The following LAMA2 variants were observed in gnomAD, a reference collection of about 807,000 sequenced individuals.
The protein encoded by LAMA2 is laminin subunit alpha 2.
LAMA2 carries 269 observed loss-of-function variants against 364.8 expected under a neutral mutation model. The observed-to-expected ratio is 0.74, with a 90% CI of 0.67 to 0.82. The LOEUF is 0.82. Among genes scored for constraint, LAMA2 ranks in the 40% least tolerant of loss-of-function variants. LAMA2 has a pLI of 0.00. For synonymous variants in LAMA2, 1,379 were observed against 1,370.6 expected, an observed-to-expected ratio of 1.01 and a Z score of -0.14; for missense variants, 3,807 against 3,873.2, an observed-to-expected ratio of 0.98 and a Z score of 0.45.
intron 29 of LAMA2, among the ~76,000 whole-genome samples, chr6:129,342,097 A>G (rs1395556779): frequency 6.6e-6 from 1 of 152,242 alleles, no homozygotes; most frequent in Non-Finnish European, 1.5e-5. Flanking sequence ...AAAAGAGAAT[A>G]GCAACTCTTA....
intron 1 of LAMA2, among the ~76,000 whole-genome samples, chr6:128,981,621 G>C (rs138081645): frequency 6.6e-6 from 1 of 150,954 alleles, no homozygotes; most frequent in East Asian, 2.0e-4. Flanking sequence ...CTTGGTGGTT[G>C]AGCCTGTCGT....
chr6:129,053,477 A>G (rs993405931), intron 2 of LAMA2, among the ~76,000 whole-genome samples: 5 of 152,116 alleles, frequency 3.3e-5, no homozygotes, highest in Non-Finnish European at 7.4e-5. Flanking sequence ...AGAGGAAAGG[A>G]CATATGTCAG....
At chr6:129,505,665 C>T (rs372154519) in intron 61 of LAMA2, among the ~76,000 whole-genome samples, 11 of 152,128 alleles carry the variant, frequency 7.2e-5, no homozygotes, top group South Asian at 2.1e-4. Flanking sequence ...CCTACCACCA[C>T]GCCTGGCTAA....
At chr6:129,241,008 C>G (rs1785362771) in intron 12 of LAMA2, among the ~76,000 whole-genome samples, 1 of 152,140 alleles carries the variant, frequency 6.6e-6, no homozygotes, top group Admixed American at 6.5e-5. Context: ...TATAGGTAAG[C>G]TCAAATCACA....
chr6:129,175,996 C>CTTTTT (rs1413381655), intron 9 of LAMA2, among the ~76,000 whole-genome samples: 1 of 151,312 alleles, frequency 6.6e-6, no homozygotes, highest in Non-Finnish European at 1.5e-5. Flanking sequence ...TATATTTTCT[C>CTTTTT]TTTTTTATAC....
Position 129,492,062 on chromosome 6 carries a change from T to C in LAMA2, c.8060T>C (p.Leu2687Pro), listed in dbSNP as rs147057821. ...CCTTTTGAAGGCTGCATATGGAATC[T>C]TGTTATTAACTCTGTGTAAGTGGAT... ...IPPFEGCIWNLVINSVPMDFA... is the reference protein window; with the variant it reads ...IPPFEGCIWNPVINSVPMDFA... The change falls in exon 57 of 65, where the codon CTT (leucine) becomes CCT (proline). Residue 2687 changes from leucine to proline, a missense_variant. Physicochemically the swap from Leu to Pro is moderately conservative, Grantham distance 98. This residue lies in a region of LAMA2 where 3,333 missense variants were observed against 3,345.7 expected (regional missense o/e 1.00). Coordinates refer to ENST00000421865, the MANE Select transcript of LAMA2 (RefSeq NM_000426.4). 4 of 1,613,812 alleles carry C rather than the reference T, an allele frequency of 2.5e-6. No homozygotes were observed. In the African/African-American group the frequency reaches 4.0e-5, roughly 16 times the overall value.
intron 12 of LAMA2, among the ~76,000 whole-genome samples, chr6:129,212,754 G>GAAGC (rs1285151469): frequency 1.3e-5 from 2 of 152,144 alleles, no homozygotes; most frequent in African/African-American, 4.8e-5. Flanking sequence ...TTTCACTTAG[G>GAAGC]AAGCAGCTGC....
intron 1 of LAMA2, among the ~76,000 whole-genome samples, chr6:128,962,683 G>A (rs1781609235): frequency 6.6e-6 from 1 of 152,162 alleles, no homozygotes; most frequent in Non-Finnish European, 1.5e-5. Flanking sequence ...TAGTGATTTA[G>A]TCCAAGGCTT....
chr6:128,903,770 G>A, intron 1 of LAMA2, among the ~76,000 whole-genome samples: 1 of 152,150 alleles, frequency 6.6e-6, no homozygotes, highest in East Asian at 1.9e-4. Context: ...GCAAATATAG[G>A]ATCTTTCCTG....
At chr6:129,361,291 T>G (rs1004506476) in intron 32 of LAMA2, among the ~76,000 whole-genome samples, 1 of 152,252 alleles carries the variant, frequency 6.6e-6, no homozygotes, top group East Asian at 1.9e-4. Context: ...AATAAAATTA[T>G]AATTGTTACT....
chr6:129,221,861 A>G (rs1783876460), intron 12 of LAMA2, among the ~76,000 whole-genome samples: 1 of 152,222 alleles, frequency 6.6e-6, no homozygotes, highest in Non-Finnish European at 1.5e-5. Flanking sequence ...ACAAATTGTA[A>G]TATATCTGGA....
intron 12 of LAMA2, among the ~76,000 whole-genome samples, chr6:129,239,171 T>G (rs139206880): frequency 6.6e-6 from 1 of 152,170 alleles, no homozygotes; most frequent in African/African-American, 2.4e-5. Flanking sequence ...GTAGTTACTG[T>G]TATATTGTTT....
At chr6:129,220,012 A>G (rs914397252) in intron 12 of LAMA2, among the ~76,000 whole-genome samples, 3 of 152,262 alleles carry the variant, frequency 2.0e-5, no homozygotes, top group Admixed American at 6.5e-5. Flanking sequence ...CATTAAAAAA[A>G]AGTTCATCGT....
chr6:129,514,467 T>A lies in LAMA2; in HGVS notation c.9083T>A (p.Val3028Asp). The A allele has an allele frequency of 6.2e-7, 1 of 1,614,038 alleles. No homozygotes were observed. Among genetic ancestry groups the A allele is most frequent in the Non-Finnish European group, 8.5e-7 (1 of 1,179,966 alleles). The change falls in exon 64 of 65, where the codon GTC becomes GAC. Residue 3028 changes from valine (V) to aspartate (D), a missense_variant. Physicochemically the swap from Val to Asp is radical, Grantham distance 152. This residue lies in a region of LAMA2 where 3,333 missense variants were observed against 3,345.7 expected (regional missense o/e 1.00). Coordinates refer to ENST00000421865, the MANE Select transcript of LAMA2 (RefSeq NM_000426.4). The stretch of plus-strand genomic sequence containing the variant: ...TTGTGTGATGGACAATGGCATAAAG[T>A]CACTGCCAACAAGATCAAACACCGC... ...GHLCDGQWHK[V>D]TANKIKHRIE...
chr6:129,113,576 C>A (rs1283962851), intron 4 of LAMA2, among the ~76,000 whole-genome samples: 1 of 151,906 alleles, frequency 6.6e-6, no homozygotes, highest in Non-Finnish European at 1.5e-5. Context: ...CAACATGGGC[C>A]ATTTAAATAT....
chr6:129,040,873 T>C (rs1456595787), intron 1 of LAMA2, among the ~76,000 whole-genome samples: 1 of 152,156 alleles, frequency 6.6e-6, no homozygotes, highest in Non-Finnish European at 1.5e-5. Flanking sequence ...TGTAAAGCTA[T>C]GATGGAAGTT....
intron 12 of LAMA2, among the ~76,000 whole-genome samples, chr6:129,206,089 GA>G (rs60710334): frequency 9.0e-6 from 1 of 111,038 alleles, no homozygotes; most frequent in Non-Finnish European, 1.8e-5. Context: ...AAGGAGGAAG[GA>G]AGGGAGGGAG....
chr6:129,374,175 G>T (rs773491468), intron 34 of LAMA2, among the ~76,000 whole-genome samples: 3 of 152,144 alleles, frequency 2.0e-5, no homozygotes, highest in Non-Finnish European at 4.4e-5. Flanking sequence ...TGGTCAAGCT[G>T]CATGACAATC....
At chr6:129,447,184 T>A (rs976445243) in intron 45 of LAMA2, among the ~76,000 whole-genome samples, 2 of 152,180 alleles carry the variant, frequency 1.3e-5, no homozygotes, top group African/African-American at 4.8e-5. Context: ...ACAAAGTTTA[T>A]AAAATAGTAG....
Sources: allele counts gnomAD v4.1 joint callset (sites outside exome capture counted in the v4.1 genomes callset), GRCh38; gene constraint gnomAD v4.1.1; regional missense constraint gnomAD v4.1.1; transcripts MANE v1.5; gene names NCBI Gene and HGNC (gene_info 2026-07-23, HGNC 2026-07-21).